Variants in MVP observed in about 807,000 individuals in gnomAD.
MVP encodes the protein lung resistance-related protein.
A neutral mutation model predicts 83.5 loss-of-function variants in MVP; 62 were observed. That is an observed-to-expected ratio of 0.74 (90% CI 0.61 to 0.92). The LOEUF (loss-of-function observed/expected upper bound fraction) is 0.92. Among genes scored for constraint, MVP ranks in the 40% least tolerant of loss-of-function variants. The pLI is 0.00. For missense variants in MVP, 1,000 were observed against 1,203.4 expected, an observed-to-expected ratio of 0.83 and a Z score of 2.50; for synonymous variants, 505 against 504.1, an observed-to-expected ratio of 1.00 and a Z score of -0.02.
intron 13 of MVP, 115 bp downstream of exon 13, chr16:29,846,399 A>G (rs375414903): frequency 1.4e-6 from 2 of 1,398,194 alleles, no homozygotes; most frequent in African/African-American, 2.9e-5. Flanking sequence ...AGCCCTATCC[A>G]AGTACTTTGC....
chr16:29,845,965 G>T lies in MVP; in HGVS notation c.2124G>T (p.Glu708Asp). 6.2e-7 allele frequency: 1 copy of T among 1,614,284 alleles called. No homozygotes were observed. The highest frequency in any genetic ancestry group is 1.1e-5 in the South Asian group (1 of 91,092). Residue 708 changes from glutamate (E) to aspartate (D), a missense_variant, in exon 12 of 15, where the codon GAG becomes GAT. Transcript: ENST00000357402. ...AGAAAGCTCGCAAGGAACTTTTGGA[G>T]CTGGAGGCTCTGAGGTGGGTTGAGA... ...EAEKARKELLELEALSMAVES... is the reference protein window; with the variant it reads ...EAEKARKELLDLEALSMAVES...
At chr16:29,822,353 T>G (rs1171878929) in intron 1 of MVP, among the ~76,000 whole-genome samples, 1 of 152,002 alleles carries the variant, frequency 6.6e-6, no homozygotes, top group African/African-American at 2.4e-5. Flanking sequence ...TGAGACACAT[T>G]CTCAATTTCC....
intron 1 of MVP, 103 bp from the exon 2 acceptor site, chr16:29,830,412 G>T (rs1294217043): frequency 5.0e-5 from 48 of 966,106 alleles, no homozygotes; most frequent in Non-Finnish European, 6.4e-5. Flanking sequence ...GGCCTGGCTG[G>T]AGGAGGTAGG....
Position 29,840,669 on chromosome 16 carries a change from C to A in MVP, c.1191+210C>A, listed in dbSNP as rs1440275888. On this transcript the variant is annotated intron_variant, in intron 8 of 14. Transcript: ENST00000357402. Reference sequence around the variant, plus strand: ...TTGAAATGTTAGAACCAACCAGGTGCGGTAGCTCACATCTGTAATCTCAGC... The same window carrying A: ...TTGAAATGTTAGAACCAACCAGGTGAGGTAGCTCACATCTGTAATCTCAGC... Among the ~76,000 whole-genome samples, 3 of 152,110 alleles carry A rather than the reference C, an allele frequency of 2.0e-5. No homozygotes were observed. In the South Asian group the frequency reaches 6.2e-4, roughly 31 times the overall value.
chr16:29,842,155 C>T (rs866020427), intron 10 of MVP, 43 bp downstream of exon 10: 1 of 1,547,334 alleles, frequency 6.5e-7, no homozygotes, highest in Non-Finnish European at 8.7e-7. Flanking sequence ...CCTGGAATCC[C>T]AGCACTTTGG....
chr16:29,823,312 A>G (rs2067378988), intron 1 of MVP, among the ~76,000 whole-genome samples: 1 of 150,804 alleles, frequency 6.6e-6, no homozygotes. Context: ...TGGTTTTTAT[A>G]GAGACAGGGT....
At chr16:29,835,504 AACTTTT>A in intron 5 of MVP, 194 bp from the exon 6 acceptor site, 1 of 335,142 alleles carries the variant, frequency 3.0e-6, no homozygotes, top group Non-Finnish European at 5.5e-6. Context: ...AAAAAAAAAA[AACTTTT>A]AAAATTCAAC....
At position 29,836,834 on chromosome 16, in the gene MVP, A is replaced by G. The variant is rs1452014996; in HGVS notation, c.785A>G (p.Asp262Gly). The G allele has an allele frequency of 6.2e-7, 1 of 1,613,782 alleles. No individual in the cohort carries two copies. ...CAGGACACAGAGGCCCACGTGCCAG[A>G]TGTCCACGAGGAGGTGCTGGGGGTT... ...TVQDTEAHVP[D>G]VHEEVLGVVP... The change falls in exon 7 of 15, where the codon GAT (aspartate) becomes GGT (glycine). Residue 262 changes from aspartate to glycine, a missense_variant. By Grantham distance (94) the Asp-to-Gly change is moderately conservative. Transcript: ENST00000357402.
chr16:29,834,006 G>T lies in MVP; in HGVS notation c.517G>T (p.Ala173Ser). ...GGCCACCATCATCAGGCAGAACCAG[G>T]CTCTGCGGCTCAGGGCCCGCAAGGA... ...IQATIIRQNQ[A>S]LRLRARKECW... Residue 173 changes from alanine (A) to serine (S), a missense_variant, in exon 5 of 15, where the codon GCT becomes TCT. Coordinates refer to ENST00000357402, the MANE Select transcript of MVP (RefSeq NM_005115.5). The T allele has an allele frequency of 6.2e-7, 1 of 1,614,080 alleles. No individual in the cohort carries two copies. The highest frequency in any genetic ancestry group is 2.2e-5 in the East Asian group (1 of 44,888).
rs577474161 is a variant in MVP at position 29,823,843 on chromosome 16, A to G, written c.-36+3333A>G. Among the ~76,000 whole-genome samples, 103 of 137,868 alleles carry G rather than the reference A, an allele frequency of 7.5e-4. 2 individuals are homozygous for G. The South Asian group carries it at 0.022, about 30-fold the overall frequency. 90.4% of individuals were successfully genotyped at this position (137,868 alleles called of 152,430 possible). ...GGTGACAGAGCGAGACTCGTCTCAGAAAAAAAAAAAAAAAATGAGGGAGAA... is the reference window on the plus strand; with the variant it reads ...GGTGACAGAGCGAGACTCGTCTCAGGAAAAAAAAAAAAAAATGAGGGAGAA... On this transcript the variant is annotated intron_variant, in intron 1 of 14. Transcript: ENST00000357402.
intron 4 of MVP, 25 bp from the exon 5 acceptor site, chr16:29,833,910 T>C: frequency 6.2e-7 from 1 of 1,614,060 alleles, no homozygotes; most frequent in South Asian, 1.1e-5. Context: ...CCTGATACCT[T>C]CTGACCATCA....
Position 29,822,126 on chromosome 16 carries a change from T to G in MVP, c.-36+1616T>G, listed in dbSNP as rs114645044. Among the ~76,000 whole-genome samples the G allele has an allele frequency of 4.9e-3, 734 of 151,278 alleles. 6 individuals are homozygous for G. Among genetic ancestry groups the G allele is most frequent in the African/African-American group, 0.016 (645 of 41,310 alleles). ...TTTAAAGAATTATAGCTCAGTCCTA[T>G]GATTAGGCAAGTTGAGAAAATATTG... is the stretch of plus-strand genomic sequence containing the variant. On this transcript the variant is annotated intron_variant, in intron 1 of 14. Coordinates refer to ENST00000357402, the MANE Select transcript of MVP (RefSeq NM_005115.5).
At chr16:29,828,959 T>C (rs892536117) in intron 1 of MVP, among the ~76,000 whole-genome samples, 3 of 152,160 alleles carry the variant, frequency 2.0e-5, no homozygotes, top group African/African-American at 7.2e-5. Context: ...CTTGATTCTG[T>C]AATCTGTGGC....
At chr16:29,826,419 A>G (rs1421086942) in intron 1 of MVP, among the ~76,000 whole-genome samples, 1 of 152,074 alleles carries the variant, frequency 6.6e-6, no homozygotes, top group East Asian at 1.9e-4. Context: ...ACTACTTAAG[A>G]CCAGGATTTT....
At position 29,829,339 on chromosome 16, in the gene MVP, A is replaced by C. The variant is rs540796923; in HGVS notation, c.-35-1176A>C. 2.0e-5 allele frequency among the ~76,000 whole-genome samples: 3 copies of C among 151,046 alleles called. No individual in the cohort carries two copies. The South Asian group carries it at 6.3e-4, about 32-fold the overall frequency. On this transcript the variant is annotated intron_variant, in intron 1 of 14. Coordinates refer to ENST00000357402, the MANE Select transcript of MVP (RefSeq NM_005115.5). Reference sequence around the variant, plus strand: ...ATCTCTCCAAAAAAAAAAATTAGCTAGACATGGTGGCATGTACCTGTAGTC... The same window carrying C: ...ATCTCTCCAAAAAAAAAAATTAGCTCGACATGGTGGCATGTACCTGTAGTC...
At chr16:29,828,203 C>T (rs1239622783) in intron 1 of MVP, among the ~76,000 whole-genome samples, 3 of 151,886 alleles carry the variant, frequency 2.0e-5, no homozygotes, top group East Asian at 3.9e-4. Context: ...TTGTGATCTG[C>T]CGACCTCAGC....
intron 1 of MVP, among the ~76,000 whole-genome samples, chr16:29,823,842 GAAA>G (rs78354677): frequency 1.8e-5 from 2 of 109,706 alleles, no homozygotes; most frequent in Non-Finnish European, 3.9e-5. Flanking sequence ...ACTCGTCTCA[GAAA>G]AAAAAAAAAA....
At chr16:29,837,433 A>G (rs1260170019) in intron 7 of MVP, among the ~76,000 whole-genome samples, 1 of 152,192 alleles carries the variant, frequency 6.6e-6, no homozygotes, top group African/African-American at 2.4e-5. Context: ...CTAGCCATAG[A>G]AAAGGTAAGG....
chr16:29,836,611 A>T, intron 6 of MVP, 111 bp from the exon 7 acceptor site: 1 of 832,198 alleles, frequency 1.2e-6, no homozygotes, highest in Non-Finnish European at 1.9e-6. Flanking sequence ...GGATTGGTAG[A>T]AATTGTCTCT....
Sources: allele counts gnomAD v4.1 joint callset (sites outside exome capture counted in the v4.1 genomes callset), GRCh38; gene constraint gnomAD v4.1.1; transcripts MANE v1.5; gene names NCBI Gene and HGNC (gene_info 2026-07-23, HGNC 2026-07-21).